The following MAGI1 variants were observed in gnomAD, a reference collection of about 807,000 sequenced individuals.
MAGI1 encodes the protein membrane associated guanylate kinase, WW and PDZ domain containing 1, also known as membrane-associated guanylate kinase, WW and PDZ domain-containing protein 1.
In MAGI1, 58 loss-of-function variants were observed where a neutral mutation model predicts 139.9. The ratio of observed to expected loss-of-function variants is 0.41; its 90% CI spans 0.34 to 0.52. The LOEUF is 0.52. MAGI1 is among the 20% of genes least tolerant of loss of function. The pLI is 0.12. For synonymous variants in MAGI1, 812 were observed against 737.9 expected, an observed-to-expected ratio of 1.10 and a Z score of -1.63; for missense variants, 1,874 against 1,901.6, an observed-to-expected ratio of 0.99 and a Z score of 0.27.
intron 1 of MAGI1, among the ~76,000 whole-genome samples, chr3:65,891,919 TATATATATATATATATATATATAC>T (rs1412941991): frequency 2.0e-5 from 2 of 100,194 alleles, no homozygotes; most frequent in African/African-American, 7.9e-5. Flanking sequence ...TATATATATA[TATATATATATATATATATATATAC>T]CCGTGTTGCT....
In MAGI1 at chr3:65,519,175, G is replaced by A. The variant is rs543307384; in HGVS notation, c.431-25544C>T. ...ATTAGGTTAGGGCAAACATAATTGC[G>A]GTTTTTGCCATTACTTTCTTTATTG... On this transcript the variant is annotated intron_variant, in intron 2 of 22. Coordinates refer to ENST00000402939, the MANE Select transcript of MAGI1 (RefSeq NM_001033057.2). 5.3e-5 allele frequency among the ~76,000 whole-genome samples: 8 copies of A among 152,116 alleles called. No individual in the cohort carries two copies. The East Asian group carries it at 5.8e-4, about 11-fold the overall frequency.
rs1366015358 is a variant in MAGI1, at chr3:65,869,288, A to G, written c.313+168708T>C. Among the ~76,000 whole-genome samples, 4 of 150,864 alleles carry G rather than the reference A, an allele frequency of 2.7e-5. No individual in the cohort carries two copies. In the East Asian group the frequency reaches 5.9e-4, roughly 22 times the overall value. ...AAAAAAAAACAACAACTAATTGATT[A>G]TGTTTATAATGTGTCATCTATCCTA... On this transcript the variant is annotated intron_variant, in intron 1 of 22. Transcript: ENST00000402939.
chr3:65,908,415 G>A (rs1460729553), intron 1 of MAGI1, among the ~76,000 whole-genome samples: 1 of 151,622 alleles, frequency 6.6e-6, no homozygotes, highest in Non-Finnish European at 1.5e-5. Context: ...GCAATTCTCT[G>A]CTGGAATTAC....
At chr3:65,527,819 G>T (rs1355763716) in intron 2 of MAGI1, among the ~76,000 whole-genome samples, 1 of 151,640 alleles carries the variant, frequency 6.6e-6, no homozygotes, top group Non-Finnish European at 1.5e-5. Context: ...GGAGGCTGAG[G>T]TAGGAGAATT....
At chr3:65,817,896 A>T (rs183902371) in intron 1 of MAGI1, among the ~76,000 whole-genome samples, 1 of 152,354 alleles carries the variant, frequency 6.6e-6, no homozygotes, top group African/African-American at 2.4e-5. Context: ...CTAATCGTAA[A>T]AGAAATTTGG....
intron 1 of MAGI1, among the ~76,000 whole-genome samples, chr3:65,725,053 A>C (rs904549116): frequency 1.3e-5 from 2 of 152,232 alleles, no homozygotes; most frequent in African/African-American, 4.8e-5. Context: ...TTTCATTTTT[A>C]AATCACAACA....
At chr3:65,877,414 T>C (rs1339947669) in intron 1 of MAGI1, among the ~76,000 whole-genome samples, 1 of 152,084 alleles carries the variant, frequency 6.6e-6, no homozygotes, top group African/African-American at 2.4e-5. Context: ...TCCCTGAAAA[T>C]GTGAGCAGCT....
chr3:65,871,822 T>A (rs1299613738), intron 1 of MAGI1, among the ~76,000 whole-genome samples: 1 of 152,224 alleles, frequency 6.6e-6, no homozygotes, highest in Admixed American at 6.5e-5. Context: ...CAACTTTCCT[T>A]TCTCCCTAAC....
chr3:65,861,518 A>T (rs1223995922), intron 1 of MAGI1, among the ~76,000 whole-genome samples: 2 of 152,166 alleles, frequency 1.3e-5, no homozygotes, highest in African/African-American at 4.8e-5. Flanking sequence ...AAACCACTGA[A>T]ACTGGGTATG....
chr3:65,509,374 T>G (rs1482624109), intron 2 of MAGI1, among the ~76,000 whole-genome samples: 1 of 152,198 alleles, frequency 6.6e-6, no homozygotes, highest in Non-Finnish European at 1.5e-5. Flanking sequence ...GGGTGATTTC[T>G]GCGTTTCCAT....
At chr3:65,386,965 T>G (rs141243577) in intron 14 of MAGI1, among the ~76,000 whole-genome samples, 1 of 152,298 alleles carries the variant, frequency 6.6e-6, no homozygotes, top group East Asian at 1.9e-4. Context: ...GCAAAACCCT[T>G]TTTATTCCAT....
At position 65,506,898 on chromosome 3, in the gene MAGI1, A is replaced by C. The variant is rs376380655; in HGVS notation, c.431-13267T>G. Reference sequence around the variant, plus strand: ...AACAGATAAAAGAAAAAAGGAGTTTATGCCCATTTAACAAATACATTCGTT... The same window carrying C: ...AACAGATAAAAGAAAAAAGGAGTTTCTGCCCATTTAACAAATACATTCGTT... On this transcript the variant is annotated intron_variant, in intron 2 of 22. Coordinates refer to ENST00000402939, the MANE Select transcript of MAGI1 (RefSeq NM_001033057.2). Among the ~76,000 whole-genome samples the C allele has an allele frequency of 3.3e-5, 5 of 152,338 alleles. 1 individual carries two copies. In the East Asian group the frequency reaches 9.6e-4, roughly 29 times the overall value.
chr3:66,020,441 C>G (rs1405446949), intron 1 of MAGI1, among the ~76,000 whole-genome samples: 1 of 152,030 alleles, frequency 6.6e-6, no homozygotes, highest in Non-Finnish European at 1.5e-5. Context: ...AAAAGAAGAG[C>G]CATTTTGAGG....
chr3:65,497,534 A>C (rs1319295027), intron 2 of MAGI1, among the ~76,000 whole-genome samples: 1 of 152,192 alleles, frequency 6.6e-6, no homozygotes, highest in Non-Finnish European at 1.5e-5. Flanking sequence ...GGCAACTCTC[A>C]TCTTCAGCCT....
At chr3:65,733,118 G>A (rs1397828811) in intron 1 of MAGI1, among the ~76,000 whole-genome samples, 3 of 151,544 alleles carry the variant, frequency 2.0e-5, no homozygotes, top group Non-Finnish European at 4.4e-5. Context: ...GAGTGCAATG[G>A]CGCGATCTTG....
intron 1 of MAGI1, chr3:65,874,420 T>C (rs2060041817): frequency 2.6e-5 from 4 of 152,194 alleles, no homozygotes; most frequent in African/African-American, 9.6e-5. Flanking sequence ...TGTTACTCAA[T>C]AATAAAAGAC....
At chr3:65,869,855 C>T (rs915648153) in intron 1 of MAGI1, among the ~76,000 whole-genome samples, 1 of 152,214 alleles carries the variant, frequency 6.6e-6, no homozygotes, top group South Asian at 2.1e-4. Flanking sequence ...GGTTGTAGTG[C>T]TGCTTATTTC....
intron 1 of MAGI1, among the ~76,000 whole-genome samples, chr3:65,981,757 C>T (rs998366493): frequency 1.3e-5 from 2 of 152,072 alleles, no homozygotes; most frequent in African/African-American, 2.4e-5. Flanking sequence ...CCCTTTTGCT[C>T]GGTTCTTATT....
intron 10 of MAGI1, among the ~76,000 whole-genome samples, chr3:65,436,684 T>C (rs1947879688): frequency 6.6e-6 from 1 of 152,154 alleles, no homozygotes; most frequent in African/African-American, 2.4e-5. Flanking sequence ...CTATTAAATA[T>C]CTGTGGTCTC....
Sources: gnomAD v4.1 joint callset for allele counts (sites outside exome capture counted in the v4.1 genomes callset) on GRCh38, gnomAD v4.1.1 for gene constraint, MANE v1.5 for transcripts, NCBI Gene and HGNC (gene_info 2026-07-23, HGNC 2026-07-21) for gene names.